The following LRRC4C variants were observed in gnomAD, a reference collection of about 807,000 sequenced individuals.
The protein encoded by LRRC4C is leucine-rich repeat-containing protein 4C.
A neutral mutation model predicts 33.6 loss-of-function variants in LRRC4C; 5 were observed. The ratio of observed to expected loss-of-function variants is 0.15; its 90% CI spans 0.08 to 0.31. LRRC4C has a LOEUF of 0.31. LRRC4C is among the 10% of genes least tolerant of loss of function. The pLI is 1.00. For synonymous variants in LRRC4C, 329 were observed against 302.0 expected, an observed-to-expected ratio of 1.09 and a Z score of -0.93; for missense variants, 560 against 796.7, an observed-to-expected ratio of 0.70 and a Z score of 3.58.
At chr11:41,141,665 T>C (rs1943513052) in intron 1 of LRRC4C, among the ~76,000 whole-genome samples, 1 of 152,128 alleles carries the variant, frequency 6.6e-6, no homozygotes, top group Non-Finnish European at 1.5e-5. Flanking sequence ...CATCTGGCAT[T>C]TCCCCTGCTG....
chr11:40,459,663 A>C (rs908903376), intron 3 of LRRC4C, among the ~76,000 whole-genome samples: 1 of 152,282 alleles, frequency 6.6e-6, no homozygotes, highest in Non-Finnish European at 1.5e-5. Context: ...GATACATTAG[A>C]GACAAAGCAG....
At chr11:41,201,921 AAC>A (rs72276649) in intron 1 of LRRC4C, among the ~76,000 whole-genome samples, 44,713 of 150,528 alleles carry the variant, frequency 0.3, 7,754 homozygotes, top group African/African-American at 0.49. Flanking sequence ...CACACACACA[AAC>A]ACACACACAC....
At chr11:41,031,947 C>T (rs1411699911) in intron 1 of LRRC4C, among the ~76,000 whole-genome samples, 1 of 151,962 alleles carries the variant, frequency 6.6e-6, no homozygotes, top group African/African-American at 2.4e-5. Flanking sequence ...AAAAAGTACA[C>T]CAGGGTTGGA....
intron 3 of LRRC4C, among the ~76,000 whole-genome samples, chr11:40,555,835 G>T (rs1957312939): frequency 1.3e-5 from 2 of 152,112 alleles, no homozygotes; most frequent in African/African-American, 4.8e-5. Flanking sequence ...TATTTGATTG[G>T]GTTCTGGCAA....
intron 3 of LRRC4C, among the ~76,000 whole-genome samples, chr11:40,381,273 G>A (rs947841018): frequency 6.6e-6 from 1 of 150,846 alleles, no homozygotes. Flanking sequence ...AGAATGCAAC[G>A]GTGGGGTCAA....
intron 2 of LRRC4C, among the ~76,000 whole-genome samples, chr11:40,680,526 G>A (rs930515270): frequency 6.6e-6 from 1 of 152,248 alleles, no homozygotes; most frequent in East Asian, 1.9e-4. Context: ...GAATCTTGGA[G>A]GCGGATCTTT....
intron 3 of LRRC4C, among the ~76,000 whole-genome samples, chr11:40,599,201 A>C (rs2135793406): frequency 6.6e-6 from 1 of 152,086 alleles, no homozygotes; most frequent in African/African-American, 2.4e-5. Flanking sequence ...GTAATCCCAC[A>C]ATTTTGGGAG....
At chr11:40,894,022 A>T (rs1358531856) in intron 2 of LRRC4C, among the ~76,000 whole-genome samples, 1 of 152,128 alleles carries the variant, frequency 6.6e-6, no homozygotes, top group Non-Finnish European at 1.5e-5. Context: ...TGTTTTTGAC[A>T]AATTAATATC....
At chr11:40,644,988 A>G (rs1942359341) in intron 3 of LRRC4C, among the ~76,000 whole-genome samples, 1 of 152,152 alleles carries the variant, frequency 6.6e-6, no homozygotes, top group Non-Finnish European at 1.5e-5. Flanking sequence ...CAATTATTTA[A>G]AAACTAAAAA....
chr11:40,634,354 T>A lies in LRRC4C; in HGVS notation c.-270+13788A>T, dbSNP rs573493534. 2.0e-5 allele frequency among the ~76,000 whole-genome samples: 3 copies of A among 152,328 alleles called. No individual in the cohort carries two copies. In the South Asian group the frequency reaches 6.2e-4, roughly 32 times the overall value. On this transcript the variant is annotated intron_variant, in intron 3 of 6. Transcript: ENST00000528697. ...TATATACACATATATGTGGTATATA[T>A]GTCAAATAATCTTTAAGTTTGTTAC... is the stretch of plus-strand genomic sequence containing the variant.
intron 1 of LRRC4C, among the ~76,000 whole-genome samples, chr11:40,990,261 AT>A (rs1379436590): frequency 7.0e-6 from 1 of 141,852 alleles, no homozygotes; most frequent in Non-Finnish European, 1.5e-5. Flanking sequence ...ATATATATAT[AT>A]ATATATATAT....
intron 5 of LRRC4C, among the ~76,000 whole-genome samples, chr11:40,145,051 C>A (rs886084356): frequency 6.6e-6 from 1 of 152,166 alleles, no homozygotes; most frequent in African/African-American, 2.4e-5. Context: ...AGACTGCATG[C>A]CCCCTGGGAC....
rs114128136 is a variant in LRRC4C, at chr11:40,894,555, T to A, written c.-407+39080A>T. ...TTGATTATGGGATTTTGTTAGAAAG[T>A]TTTTTATGCTTGGCTTTGATCCAGT... On this transcript the variant is annotated intron_variant, in intron 2 of 6. Transcript: ENST00000528697. 1.7e-3 allele frequency among the ~76,000 whole-genome samples: 256 copies of A among 152,236 alleles called. 2 individuals are homozygous for A. The highest frequency in any genetic ancestry group is 6.0e-3 in the African/African-American group (248 of 41,552).
At chr11:40,583,798 C>G (rs72888880) in intron 3 of LRRC4C, among the ~76,000 whole-genome samples, 4,769 of 151,790 alleles carry the variant, frequency 0.031, 202 homozygotes, top group African/African-American at 0.097. Flanking sequence ...AAACTTCAGT[C>G]CCACTTTTTC....
At chr11:40,194,560 A>G (rs528492934) in intron 5 of LRRC4C, among the ~76,000 whole-genome samples, 59 of 150,824 alleles carry the variant, frequency 3.9e-4, no homozygotes, top group Non-Finnish European at 8.1e-4. Flanking sequence ...CATAAGTGGG[A>G]GCTGAGCAAT....
At chr11:40,277,014 A>G (rs1943157568) in intron 4 of LRRC4C, among the ~76,000 whole-genome samples, 1 of 152,084 alleles carries the variant, frequency 6.6e-6, no homozygotes, top group African/African-American at 2.4e-5. Flanking sequence ...CTGGTAGGAA[A>G]AGGTAAAGAG....
intron 1 of LRRC4C, among the ~76,000 whole-genome samples, chr11:41,269,632 C>T (rs1949259704): frequency 6.6e-6 from 1 of 152,074 alleles, no homozygotes; most frequent in South Asian, 2.1e-4. Flanking sequence ...GTCTGTCTCT[C>T]TGGTGCCAAT....
intron 5 of LRRC4C, among the ~76,000 whole-genome samples, chr11:40,222,087 T>C (rs1864463111): frequency 6.6e-6 from 1 of 152,166 alleles, no homozygotes; most frequent in South Asian, 2.1e-4. Flanking sequence ...TGCTAAGTAC[T>C]GTACCTACTT....
intron 1 of LRRC4C, among the ~76,000 whole-genome samples, chr11:40,944,994 C>T (rs1958325781): frequency 6.6e-6 from 1 of 151,158 alleles, no homozygotes; most frequent in Non-Finnish European, 1.5e-5. Flanking sequence ...GTCATGCTCT[C>T]CTAAGTGGTG....
Sources: allele counts gnomAD v4.1 joint callset (sites outside exome capture counted in the v4.1 genomes callset), GRCh38; gene constraint gnomAD v4.1.1; transcripts MANE v1.5; gene names NCBI Gene and HGNC (gene_info 2026-07-23, HGNC 2026-07-21).